TENM1: variants seen among roughly 807,000 people sequenced by gnomAD.
The protein encoded by TENM1 is teneurin transmembrane protein 1.
A neutral mutation model predicts 174.8 loss-of-function variants in TENM1; 35 were observed. That is an observed-to-expected ratio of 0.20 (90% CI 0.15 to 0.27). The LOEUF is 0.27. Ranked by LOEUF, TENM1 falls within the 10% of genes least tolerant of loss-of-function variation. The pLI, the probability that TENM1 is intolerant of heterozygous loss-of-function variation, is 1.00. For synonymous variants in TENM1, 781 were observed against 798.7 expected (o/e 0.98, Z 0.37); for missense variants, 1,633 against 2,130.1 (o/e 0.77, Z 4.59).
chrX:124,861,218 T>C (rs1041210528), intron 3 of TENM1, among the ~76,000 whole-genome samples: 1 of 111,974 alleles, frequency 8.9e-6, no homozygotes, highest in African/African-American at 3.2e-5. Context: ...GGAGCTAGCA[T>C]TGTCTGTCTA....
intron 1 of TENM1, among the ~76,000 whole-genome samples, chrX:124,943,142 G>A (rs190594590): frequency 1.6e-4 from 18 of 111,431 alleles, no homozygotes; most frequent in Admixed American, 7.7e-4. Context: ...TAGTAAAGGC[G>A]GTTAAAAGAA....
chrX:124,767,129 C>T (rs994368925), intron 3 of TENM1, among the ~76,000 whole-genome samples: 5 of 111,512 alleles, frequency 4.5e-5, no homozygotes, highest in Non-Finnish European at 9.4e-5. Flanking sequence ...TGTGTTTCCA[C>T]AGTACTGTAT....
intron 4 of TENM1, among the ~76,000 whole-genome samples, chrX:124,730,264 C>T (rs1053928682): frequency 2.7e-5 from 3 of 111,509 alleles, no homozygotes; most frequent in Non-Finnish European, 5.7e-5. Flanking sequence ...GGTAGAAATA[C>T]CTTTAGTTAG....
chrX:124,650,200 CAAAAAAAAAAAAAA>C (rs755570562), intron 8 of TENM1, among the ~76,000 whole-genome samples: 3 of 24,864 alleles, frequency 1.2e-4, no homozygotes, highest in East Asian at 1.7e-3. Flanking sequence ...AAACTGTCTC[CAAAAAAAAAAAAAA>C]AAAAAAAAAA....
intron 22 of TENM1, among the ~76,000 whole-genome samples, chrX:124,472,398 T>C (rs1372311028): frequency 5.8e-5 from 6 of 103,016 alleles, no homozygotes; most frequent in African/African-American, 7.0e-5. Context: ...TTTTTTTTTT[T>C]CCCAACAAAA....
intron 14 of TENM1, among the ~76,000 whole-genome samples, chrX:124,557,669 TG>T (rs1274446861): frequency 8.9e-6 from 1 of 111,779 alleles, no homozygotes; most frequent in Non-Finnish European, 1.9e-5. Flanking sequence ...ATTTTGTACT[TG>T]GGTGTGTTCT....
the TENM1 span, among the ~76,000 whole-genome samples, chrX:125,082,102 A>G: frequency 9.0e-6 from 1 of 110,721 alleles, no homozygotes; most frequent in Non-Finnish European, 1.9e-5. Context: ...TACATAATCT[A>G]TGCATGTAAC....
chrX:124,450,490 T>G (rs1188001461), intron 23 of TENM1, among the ~76,000 whole-genome samples: 1 of 111,967 alleles, frequency 8.9e-6, no homozygotes, highest in Non-Finnish European at 1.9e-5. Flanking sequence ...CATGGAGAAC[T>G]GTAAGTCCAA....
intron 1 of TENM1, among the ~76,000 whole-genome samples, chrX:124,946,306 A>G (rs371065216): frequency 8.9e-6 from 1 of 112,192 alleles, no homozygotes; most frequent in East Asian, 2.8e-4. Flanking sequence ...ATGCAAGTGG[A>G]AATAAAAAAT....
At chrX:124,859,091 T>C (rs1416089671) in intron 3 of TENM1, among the ~76,000 whole-genome samples, 3 of 111,890 alleles carry the variant, frequency 2.7e-5, no homozygotes, top group Non-Finnish European at 5.6e-5. Context: ...TCCAATTTAA[T>C]GTTTTTATCC....
At chrX:124,504,271 A>G (rs997719067) in intron 18 of TENM1, among the ~76,000 whole-genome samples, 1 of 112,494 alleles carries the variant, frequency 8.9e-6, no homozygotes, top group East Asian at 2.8e-4. Context: ...AGAGTGTTGC[A>G]AGTGTAAATT....
intron 1 of TENM1, among the ~76,000 whole-genome samples, chrX:124,959,756 C>T (rs1422291665): frequency 1.8e-5 from 2 of 112,014 alleles, no homozygotes; most frequent in Non-Finnish European, 3.8e-5. Flanking sequence ...TCACTATTCT[C>T]TCAGTTTCCC....
chrX:124,748,135 C>A (rs1430127102), intron 3 of TENM1, among the ~76,000 whole-genome samples: 1 of 110,980 alleles, frequency 9.0e-6, no homozygotes, highest in African/African-American at 3.3e-5. Context: ...AAGCATAATT[C>A]CATTACTCAG....
intron 11 of TENM1, among the ~76,000 whole-genome samples, chrX:124,582,648 G>C (rs1365470157): frequency 8.9e-6 from 1 of 111,895 alleles, no homozygotes; most frequent in Non-Finnish European, 1.9e-5. Flanking sequence ...CTGAGATACT[G>C]GGTTCATCTC....
At chrX:124,809,872 G>GAC (rs1239374359) in intron 3 of TENM1, among the ~76,000 whole-genome samples, 1 of 107,735 alleles carries the variant, frequency 9.3e-6, no homozygotes, top group African/African-American at 3.4e-5. Context: ...GAGAGAGAGA[G>GAC]AGAGAGAAGC....
chrX:124,496,535 T>C (rs956642761), intron 20 of TENM1, among the ~76,000 whole-genome samples: 11 of 112,005 alleles, frequency 9.8e-5, no homozygotes, highest in African/African-American at 3.2e-4. Flanking sequence ...AAAGAACCAT[T>C]TCTCCCTCCT....
chrX:124,413,825 A>AT (rs1235049635), intron 25 of TENM1, among the ~76,000 whole-genome samples: 1 of 112,212 alleles, frequency 8.9e-6, no homozygotes, highest in African/African-American at 3.2e-5. Context: ...CTACTCTGGG[A>AT]TTCTAGAAGG....
At chrX:125,097,826 T>C in the TENM1 span, among the ~76,000 whole-genome samples, 3 of 112,444 alleles carry the variant, frequency 2.7e-5, no homozygotes, top group African/African-American at 6.5e-5. Flanking sequence ...TCAGCAAATA[T>C]TGTTGCTGTC....
At chrX:124,837,524 C>T in intron 3 of TENM1, among the ~76,000 whole-genome samples, 1 of 112,184 alleles carries the variant, frequency 8.9e-6, no homozygotes, top group Non-Finnish European at 1.9e-5. Flanking sequence ...GCATAGGAAA[C>T]AAAGGCAGAA....
Sources: allele counts gnomAD v4.1 joint callset (sites outside exome capture counted in the v4.1 genomes callset), GRCh38; gene constraint gnomAD v4.1.1; transcripts MANE v1.5; gene names NCBI Gene and HGNC (gene_info 2026-07-23, HGNC 2026-07-21).